The following SH3YL1 variants were observed in gnomAD, a reference collection of about 807,000 sequenced individuals.
The protein encoded by SH3YL1 is SH3 domain-containing YSC84-like protein 1.
SH3YL1 carries 41 observed loss-of-function variants against 45.8 expected under a neutral mutation model. The observed-to-expected ratio is 0.89, with a 90% CI of 0.70 to 1.16. SH3YL1 has a LOEUF of 1.16. Ranked by LOEUF, SH3YL1 falls within the 50% of genes most tolerant of loss-of-function variation. SH3YL1 has a pLI of 0.00. For missense variants in SH3YL1, 389 were observed against 409.6 expected (o/e 0.95, Z 0.43); for synonymous variants, 152 against 151.4 (o/e 1.00, Z -0.03).
At chr2:254,188 G>C (rs752995886) in intron 1 of SH3YL1, among the ~76,000 whole-genome samples, 9 of 152,156 alleles carry the variant, frequency 5.9e-5, no homozygotes, top group Admixed American at 1.3e-4. Context: ...TTTCTGATGA[G>C]TAAAACTCTA....
At chr2:230,991 A>G (rs1382433263) in intron 7 of SH3YL1, 32 bp downstream of exon 7, 5 of 1,607,480 alleles carry the variant, frequency 3.1e-6, no homozygotes, top group Non-Finnish European at 4.3e-6. Flanking sequence ...ATTTTCTGAG[A>G]ATACTGAGTG....
intron 4 of SH3YL1, among the ~76,000 whole-genome samples, chr2:242,441 G>A (rs866363952): frequency 6.6e-6 from 1 of 151,844 alleles, no homozygotes; most frequent in African/African-American, 2.4e-5. Flanking sequence ...ATTAAATCAA[G>A]TTCCCATAAA....
Position 249,853 on chromosome 2 carries a change from G to C in SH3YL1, c.113-9C>G. 6.5e-7 allele frequency: 1 copy of C among 1,537,722 alleles called. No homozygotes were observed. Among genetic ancestry groups the C allele is most frequent in the Non-Finnish European group, 8.8e-7 (1 of 1,133,938 alleles). On this transcript the variant is annotated splice_polypyrimidine_tract_variant and intron_variant, in intron 2 of 9. Coordinates refer to ENST00000356150, the MANE Select transcript of SH3YL1 (RefSeq NM_015677.4). ...CTTCGCAATTACGTGAGCTGTTAAC[G>C]TGGAAAACAATGGGAAGGTAAGCAT...
intron 9 of SH3YL1, among the ~76,000 whole-genome samples, chr2:223,219 T>C (rs1322706171): frequency 6.6e-6 from 1 of 152,218 alleles, no homozygotes; most frequent in Non-Finnish European, 1.5e-5. Context: ...CTGGAATCTC[T>C]GTCTCCACAG....
chr2:251,675 C>G (rs575489127), intron 2 of SH3YL1, among the ~76,000 whole-genome samples: 1 of 152,302 alleles, frequency 6.6e-6, no homozygotes, highest in South Asian at 2.1e-4. Context: ...TTTGTGACGT[C>G]TGAGCAGATT....
At chr2:223,788 A>G (rs1558232850) in intron 9 of SH3YL1, among the ~76,000 whole-genome samples, 1 of 152,170 alleles carries the variant, frequency 6.6e-6, no homozygotes, top group Non-Finnish European at 1.5e-5. Flanking sequence ...TCTGTAGGTG[A>G]GCCCCCGACC....
chr2:246,883 C>A lies in SH3YL1; in HGVS notation c.291+655G>T, dbSNP rs1668838520. ...CAACTATGTCAACAGGGCAAATCTA[C>A]AAAGGATAGCTTAGGAAGAAATGGA... On this transcript the variant is annotated intron_variant, in intron 4 of 9. Transcript: ENST00000356150. Among the ~76,000 whole-genome samples, 3 of 152,130 alleles carry A rather than the reference C, an allele frequency of 2.0e-5. No homozygotes were observed. In the South Asian group the frequency reaches 6.2e-4, roughly 32 times the overall value.
chr2:256,420 G>C (rs559369410), intron 1 of SH3YL1: 3 of 152,062 alleles, frequency 2.0e-5, no homozygotes, highest in Admixed American at 6.6e-5. Context: ...GGCCGGACAC[G>C]GTGGCTCACA....
chr2:264,125 T>C (rs1669735984), upstream of SH3YL1: 9 of 1,237,164 alleles, frequency 7.3e-6, no homozygotes, highest in Admixed American at 7.8e-5. Context: ...ACACCCGCCG[T>C]GTACGTTTCG....
rs745600764 is a variant in SH3YL1, at chr2:229,887, A to G, written c.781+79T>C. On this transcript the variant is annotated intron_variant, in intron 8 of 9. Transcript: ENST00000356150. ...TTCTATTTAACTCTAAAGTTTAACA[A>G]TGTATCTTGATTTCTTAATGATAAC... The G allele has an allele frequency of 2.1e-5, 24 of 1,158,416 alleles. No individual in the cohort carries two copies. The African/African-American group carries it at 3.7e-4, about 18-fold the overall frequency. 71.8% of individuals were successfully genotyped at this position (1,158,416 alleles called of 1,614,324 possible).
chr2:253,151 C>T (rs1015785684), intron 1 of SH3YL1, 36 bp from the exon 2 acceptor site: 1 of 1,206,754 alleles, frequency 8.3e-7, no homozygotes, highest in Non-Finnish European at 1.2e-6. Context: ...ATGAAAAATT[C>T]TGCTAAATAG....
intron 9 of SH3YL1, among the ~76,000 whole-genome samples, chr2:224,453 T>C (rs985308115): frequency 7.2e-5 from 11 of 152,344 alleles, no homozygotes; most frequent in South Asian, 4.1e-4. Context: ...TTTATCTCCA[T>C]TGTAAATTCA....
At chr2:243,092 AC>A (rs1210658992) in intron 4 of SH3YL1, among the ~76,000 whole-genome samples, 3 of 152,208 alleles carry the variant, frequency 2.0e-5, no homozygotes, top group Non-Finnish European at 4.4e-5. Context: ...TGTGTCAATA[AC>A]CCACTTTTAA....
intron 1 of SH3YL1, among the ~76,000 whole-genome samples, chr2:255,570 C>G (rs1669282538): frequency 6.6e-6 from 1 of 152,202 alleles, no homozygotes; most frequent in Non-Finnish European, 1.5e-5. Flanking sequence ...GCACTCCAGC[C>G]TGGGCAACAG....
chr2:235,037 G>A (rs779964719), intron 4 of SH3YL1, among the ~76,000 whole-genome samples: 2 of 152,182 alleles, frequency 1.3e-5, no homozygotes, highest in East Asian at 3.9e-4. Flanking sequence ...CACCATGTCC[G>A]GCTAATTTTT....
intron 8 of SH3YL1, among the ~76,000 whole-genome samples, chr2:227,042 T>C (rs914422711): frequency 6.6e-6 from 1 of 151,848 alleles, no homozygotes; most frequent in Non-Finnish European, 1.5e-5. Flanking sequence ...GTGGGAAATG[T>C]GCATGGTAGG....
chr2:245,274 C>T lies in SH3YL1; in HGVS notation c.291+2264G>A, dbSNP rs564002658. On this transcript the variant is annotated intron_variant, in intron 4 of 9. Transcript: ENST00000356150. ...AAGTTTAAAACTCATGTCTCCAATC[C>T]CTAGGAGATGCTTCTTATCTCTGTT... Among the ~76,000 whole-genome samples, 7 of 152,174 alleles carry T rather than the reference C, an allele frequency of 4.6e-5. No homozygotes were observed. The South Asian group carries it at 8.3e-4, about 18-fold the overall frequency.
At chr2:223,465 C>A (rs1027665540) in intron 9 of SH3YL1, among the ~76,000 whole-genome samples, 1 of 152,148 alleles carries the variant, frequency 6.6e-6, no homozygotes, top group Non-Finnish European at 1.5e-5. Context: ...AGTTTAGGAG[C>A]ACTTTAACAA....
At chr2:247,992 G>T (rs982062208) in intron 3 of SH3YL1, among the ~76,000 whole-genome samples, 1 of 152,208 alleles carries the variant, frequency 6.6e-6, no homozygotes, top group African/African-American at 2.4e-5. Context: ...ACAGATTTAA[G>T]AGATCAGAAG....
Sources: allele counts gnomAD v4.1 joint callset (sites outside exome capture counted in the v4.1 genomes callset), GRCh38; gene constraint gnomAD v4.1.1; transcripts MANE v1.5; gene names NCBI Gene and HGNC (gene_info 2026-07-23, HGNC 2026-07-21).